COL25A1: variants seen among roughly 807,000 people sequenced by gnomAD.
The protein encoded by COL25A1 is collagen type XXV alpha 1 chain.
In COL25A1, 103 loss-of-function variants were observed where a neutral mutation model predicts 128.4. The ratio of observed to expected loss-of-function variants is 0.80; its 90% CI spans 0.68 to 0.94. The LOEUF (loss-of-function observed/expected upper bound fraction) is 0.94. COL25A1 is among the 40% of genes least tolerant of loss of function. The pLI is 0.00. For missense variants in COL25A1, 745 were observed against 840.0 expected, an observed-to-expected ratio of 0.89 and a Z score of 1.40; for synonymous variants, 279 against 277.2, an observed-to-expected ratio of 1.01 and a Z score of -0.06.
intron 32 of COL25A1, among the ~76,000 whole-genome samples, chr4:108,830,928 T>C (rs893706849): frequency 4.6e-5 from 7 of 152,264 alleles, no homozygotes; most frequent in Non-Finnish European, 7.3e-5. Context: ...TTAATTAAGA[T>C]GATCTTCAGA....
At chr4:109,057,421 ATTTTTTTTTTTTTT>A (rs776941019) in intron 3 of COL25A1, among the ~76,000 whole-genome samples, 13 of 20,240 alleles carry the variant, frequency 6.4e-4, no homozygotes, top group Admixed American at 2.1e-3. Flanking sequence ...TGCCTAGCTA[ATTTTTTTTTTTTTT>A]TTTTTTTTTT....
rs575522522 is a variant in COL25A1, at chr4:109,071,095, A to G, written c.368-20916T>C. ...AACAACATGGTACTGGTACCAAAAC[A>G]GAGATATAGATCAATGGAACAGAAC... On this transcript the variant is annotated intron_variant, in intron 3 of 37. Transcript: ENST00000399132. Among the ~76,000 whole-genome samples the G allele has an allele frequency of 9.2e-5, 14 of 152,306 alleles. 2 individuals carry two copies. In the South Asian group the frequency reaches 2.7e-3, roughly 29 times the overall value.
intron 3 of COL25A1, among the ~76,000 whole-genome samples, chr4:109,062,063 G>A (rs1017758634): frequency 6.6e-6 from 1 of 152,076 alleles, no homozygotes; most frequent in Non-Finnish European, 1.5e-5. Flanking sequence ...AAGTAATAAA[G>A]AAAACATACA....
At chr4:109,147,501 G>C (rs1451866728) in intron 3 of COL25A1, among the ~76,000 whole-genome samples, 4 of 152,036 alleles carry the variant, frequency 2.6e-5, no homozygotes, top group Non-Finnish European at 4.4e-5. Flanking sequence ...TTTTATTCTG[G>C]GTCTATACTG....
At chr4:109,118,225 G>A (rs1250947719) in intron 3 of COL25A1, among the ~76,000 whole-genome samples, 1 of 151,968 alleles carries the variant, frequency 6.6e-6, no homozygotes, top group African/African-American at 2.4e-5. Context: ...AGAAAGGGGA[G>A]ATGTTGATCA....
chr4:108,832,588 C>T (rs762088169), intron 31 of COL25A1, 155 bp from the exon 32 acceptor site: 28 of 558,200 alleles, frequency 5.0e-5, no homozygotes, highest in African/African-American at 7.6e-5. Flanking sequence ...TTCAGGCCAG[C>T]GGTTTTCAAG....
At chr4:109,274,789 C>G (rs1722646436) in intron 3 of COL25A1, among the ~76,000 whole-genome samples, 1 of 152,056 alleles carries the variant, frequency 6.6e-6, no homozygotes, top group Non-Finnish European at 1.5e-5. Flanking sequence ...TATTTAATAG[C>G]CTGGTACGAA....
intron 3 of COL25A1, 59 bp downstream of exon 3, chr4:109,300,524 A>G (rs977430581): frequency 2.3e-5 from 26 of 1,139,284 alleles, no homozygotes; most frequent in Non-Finnish European, 2.7e-6. Flanking sequence ...CAGACACAGG[A>G]CCTTTGTTTT....
chr4:108,981,614 G>A (rs1185358812), intron 6 of COL25A1, among the ~76,000 whole-genome samples: 1 of 152,116 alleles, frequency 6.6e-6, no homozygotes, highest in Non-Finnish European at 1.5e-5. Flanking sequence ...TATCTTGGCG[G>A]TTAAGAGCTC....
chr4:109,213,192 G>C (rs1012151513), intron 3 of COL25A1, among the ~76,000 whole-genome samples: 1 of 152,122 alleles, frequency 6.6e-6, no homozygotes, highest in East Asian at 1.9e-4. Context: ...TTTGGAATAT[G>C]ACTAGCAGAA....
intron 36 of COL25A1, 56 bp downstream of exon 36, chr4:108,819,196 A>T: frequency 7.6e-7 from 1 of 1,322,922 alleles, no homozygotes. Flanking sequence ...ATAGAGATGA[A>T]CATGTGATAA....
chr4:108,816,810 A>G (rs929054947), intron 37 of COL25A1, among the ~76,000 whole-genome samples: 2 of 152,192 alleles, frequency 1.3e-5, no homozygotes, highest in Non-Finnish European at 2.9e-5. Context: ...GCCTTTGCAC[A>G]TAGAAGGTTC....
At chr4:109,284,424 C>T (rs956689713) in intron 3 of COL25A1, among the ~76,000 whole-genome samples, 3 of 151,986 alleles carry the variant, frequency 2.0e-5, no homozygotes, top group Non-Finnish European at 4.4e-5. Flanking sequence ...AGTGAGACTC[C>T]GTCAAAAACA....
At chr4:109,290,877 CT>C (rs1724406067) in intron 3 of COL25A1, among the ~76,000 whole-genome samples, 1 of 152,108 alleles carries the variant, frequency 6.6e-6, no homozygotes, top group Non-Finnish European at 1.5e-5. Context: ...GTTGGACAAG[CT>C]TGGCCTATAT....
At chr4:109,273,059 TG>T (rs1000374142) in intron 3 of COL25A1, among the ~76,000 whole-genome samples, 4 of 151,874 alleles carry the variant, frequency 2.6e-5, no homozygotes, top group Non-Finnish European at 4.4e-5. Flanking sequence ...AAAAATCAAC[TG>T]GGGAAGGGAG....
intron 13 of COL25A1, among the ~76,000 whole-genome samples, chr4:108,915,979 T>C (rs921260825): frequency 1.3e-5 from 2 of 152,218 alleles, no homozygotes; most frequent in Admixed American, 6.5e-5. Context: ...CTAGAGTTCA[T>C]TTCATGTGCT....
chr4:109,104,588 CTAACTCT>C (rs887468294), intron 3 of COL25A1, among the ~76,000 whole-genome samples: 94 of 139,692 alleles, frequency 6.7e-4, no homozygotes, highest in African/African-American at 2.8e-3. Context: ...GACTAAGCCT[CTAACTCT>C]TAACTACCAA....
chr4:108,911,337 A>G (rs1744188681), intron 13 of COL25A1, among the ~76,000 whole-genome samples: 1 of 152,326 alleles, frequency 6.6e-6, no homozygotes, highest in South Asian at 2.1e-4. Context: ...AACCTCACTG[A>G]AAGTCTCCGA....
intron 19 of COL25A1, among the ~76,000 whole-genome samples, chr4:108,882,974 C>A (rs1029143425): frequency 3.3e-5 from 5 of 152,192 alleles, no homozygotes; most frequent in African/African-American, 1.2e-4. Context: ...ACATAACTCA[C>A]ACTCCAAGCA....
Sources: gnomAD v4.1 joint callset for allele counts (sites outside exome capture counted in the v4.1 genomes callset) on GRCh38, gnomAD v4.1.1 for gene constraint, MANE v1.5 for transcripts, NCBI Gene and HGNC (gene_info 2026-07-23, HGNC 2026-07-21) for gene names.